VWCE: variants seen among roughly 807,000 people sequenced by gnomAD.
The protein encoded by VWCE is von Willebrand factor C and EGF domains.
In VWCE, 68 loss-of-function variants were observed where a neutral mutation model predicts 102.9. The observed-to-expected ratio is 0.66, with a 90% CI of 0.54 to 0.81. VWCE has a LOEUF of 0.81. Ranked by LOEUF, VWCE falls within the 30% of genes least tolerant of loss-of-function variation. The pLI, the probability that VWCE is intolerant of heterozygous loss-of-function variation, is 0.00. For synonymous variants in VWCE, 497 were observed against 515.4 expected (o/e 0.96, Z 0.48); for missense variants, 1,137 against 1,263.6 (o/e 0.90, Z 1.52).
intron 16 of VWCE, among the ~76,000 whole-genome samples, chr11:61,265,497 C>T (rs557315649): frequency 5.9e-5 from 9 of 152,236 alleles, no homozygotes; most frequent in African/African-American, 2.2e-4. Flanking sequence ...CACCAAAACC[C>T]GATAGAGAAA....
chr11:61,286,477 G>A (rs757346767), intron 4 of VWCE, 47 bp from the exon 5 acceptor site: 5 of 1,555,340 alleles, frequency 3.2e-6, no homozygotes, highest in Non-Finnish European at 4.4e-6. Context: ...CTCGCAAGAG[G>A]AACTTACACA....
chr11:61,274,449 G>A (rs765953443), intron 12 of VWCE, 50 bp downstream of exon 12: 35 of 1,560,212 alleles, frequency 2.2e-5, no homozygotes, highest in South Asian at 7.9e-5. Context: ...GTTGTGCCTC[G>A]CTCCCCTCTC....
intron 7 of VWCE, among the ~76,000 whole-genome samples, chr11:61,281,547 G>T (rs1855135216): frequency 6.6e-6 from 1 of 152,194 alleles, no homozygotes; most frequent in South Asian, 2.1e-4. Context: ...AAAAGAAAGC[G>T]AGGAAGAAAG....
In VWCE at chr11:61,282,651, G is replaced by A; in HGVS notation, c.658+138C>T. 1.5e-5 allele frequency: 11 copies of A among 718,248 alleles called. No individual in the cohort carries two copies. In the South Asian group the frequency reaches 2.0e-4, roughly 13 times the overall value. 44.5% of individuals were successfully genotyped at this position (718,248 alleles called of 1,614,324 possible). On this transcript the variant is annotated intron_variant, in intron 6 of 19. Coordinates refer to ENST00000335613, the MANE Select transcript of VWCE (RefSeq NM_152718.2). The stretch of plus-strand genomic sequence containing the variant: ...CCAACCCCAGGGACAGGCAGGCTCT[G>A]AGCCAAAGGCTCAAGCCCCTTCAAG...
At chr11:61,277,014 GGAGGGAGGGAAGGAAGGAGA>G (rs1590635262) in intron 10 of VWCE, among the ~76,000 whole-genome samples, 1 of 124,190 alleles carries the variant, frequency 8.1e-6, no homozygotes, top group Non-Finnish European at 1.7e-5. Flanking sequence ...AAGGAAGGAG[GGAGGGAGGGAAGGAAGGAGA>G]GAGGGAGGGA....
chr11:61,281,924 A>T lies in VWCE; in HGVS notation c.659-10T>A, dbSNP rs757858371. 4 of 1,608,828 alleles carry T rather than the reference A, an allele frequency of 2.5e-6. No individual in the cohort carries two copies. The highest frequency in any genetic ancestry group is 3.4e-6 in the Non-Finnish European group (4 of 1,176,350). ...CGACACTCGTTTACATCTGCGGGAG[A>T]GCCTCGCTGCGGACAGCTGCTTTGT... On this transcript the variant is annotated splice_polypyrimidine_tract_variant and intron_variant, in intron 6 of 19. Transcript: ENST00000335613.
chr11:61,281,814 C>A lies in VWCE; in HGVS notation c.759G>T (p.Arg253Ser). The change falls in exon 7 of 20, where the codon AGG becomes AGT. Residue 253 changes from arginine (R) to serine (S), a missense_variant. Arg to Ser is a moderately radical substitution (Grantham distance 110). This residue lies in a region of VWCE where 575 missense variants were observed against 625.9 expected (regional missense o/e 0.92). Transcript: ENST00000335613. ...SFLCTCRPGF[R>S]LRADRVSCEA... The stretch of plus-strand genomic sequence containing the variant: ...CACAGGACACGCGGTCAGCTCGGAG[C>A]CTGAAGCCAGGTCGGCATGTGCATA... The A allele has an allele frequency of 1.2e-6, 2 of 1,613,738 alleles. No homozygotes were observed. The highest frequency in any genetic ancestry group is 8.5e-7 in the Non-Finnish European group (1 of 1,179,804).
chr11:61,268,666 T>G (rs1369091453), intron 15 of VWCE, among the ~76,000 whole-genome samples: 1 of 152,220 alleles, frequency 6.6e-6, no homozygotes, highest in African/African-American at 2.4e-5. Context: ...CCTCCTGCTG[T>G]TCTCCAATTG....
At chr11:61,285,366 G>A (rs1437837903) in intron 5 of VWCE, among the ~76,000 whole-genome samples, 4 of 152,150 alleles carry the variant, frequency 2.6e-5, no homozygotes, top group African/African-American at 7.2e-5. Flanking sequence ...TAAATAAAAG[G>A]CATTTTAAAA....
Position 61,281,192 on chromosome 11 carries a change from G to A in VWCE, c.831C>T (p.Pro277=), listed in dbSNP as rs1341644860. ...AVLAPSAILQ[P]RQHPSKMLLL... is the part of the protein sequence containing the mutation. ...GAAGCATCTTGGACGGGTGTTGCCG[G>A]GGTTGCAGGATGGCAGATGGGGCCA... is the stretch of plus-strand genomic sequence containing the variant. Residue 277 remains proline (P), a synonymous_variant, in exon 8 of 20, where the codon CCC becomes CCT. Transcript: ENST00000335613. 1 of 1,613,224 alleles carries A rather than the reference G, an allele frequency of 6.2e-7. No individual in the cohort carries two copies. The highest frequency in any genetic ancestry group is 2.2e-5 in the East Asian group (1 of 44,854).
At chr11:61,264,814 A>G in intron 18 of VWCE, 142 bp downstream of exon 18, 1 of 1,006,310 alleles carries the variant, frequency 9.9e-7, no homozygotes, top group Non-Finnish European at 1.5e-6. Context: ...AAAACCAAAG[A>G]TATTCTGGCA....
At chr11:61,273,142 T>C (rs1590629039) in intron 13 of VWCE, 57 bp downstream of exon 13, 7 of 1,558,540 alleles carry the variant, frequency 4.5e-6, no homozygotes, top group Non-Finnish European at 5.3e-6. Context: ...CAGGTGAAGC[T>C]CAGCCTCTCT....
At chr11:61,265,687 C>T (rs1385815838) in intron 16 of VWCE, among the ~76,000 whole-genome samples, 7 of 152,224 alleles carry the variant, frequency 4.6e-5, no homozygotes, top group Admixed American at 2.6e-4. Context: ...AAAGAAATAC[C>T]GCATCTGCAC....
Position 61,269,901 on chromosome 11 carries a change from G to A in VWCE, c.1786-883C>T, listed in dbSNP as rs867423728. Among the ~76,000 whole-genome samples, 4 of 150,576 alleles carry A rather than the reference G, an allele frequency of 2.7e-5. No homozygotes were observed. The South Asian group carries it at 6.3e-4, about 24-fold the overall frequency. ...CTCCCAACTCTAATTTCAATGAGAC[G>A]TGTTCAGCTTACAGCATTTTTTTTT... On this transcript the variant is annotated intron_variant, in intron 14 of 19. Coordinates refer to ENST00000335613, the MANE Select transcript of VWCE (RefSeq NM_152718.2).
At chr11:61,292,899 G>C (rs978639799) in intron 1 of VWCE, among the ~76,000 whole-genome samples, 10 of 152,016 alleles carry the variant, frequency 6.6e-5, no homozygotes, top group South Asian at 2.1e-4. Flanking sequence ...CTTGAGGTCA[G>C]GAGTTTGAGA....
chr11:61,264,484 T>C lies in VWCE; in HGVS notation c.2230+3A>G. 5.6e-6 allele frequency: 9 copies of C among 1,613,166 alleles called. No homozygotes were observed. The highest frequency in any genetic ancestry group is 7.6e-6 in the Non-Finnish European group (9 of 1,179,662). On this transcript the variant is annotated splice_donor_region_variant and intron_variant, in intron 19 of 19. Transcript: ENST00000335613. ...AAACTCCAGGACCCAGAGACCCACTTACCTGGACAGGAAGAGCAGCAGTCC... is the reference window on the plus strand; with the variant it reads ...AAACTCCAGGACCCAGAGACCCACTCACCTGGACAGGAAGAGCAGCAGTCC...
At chr11:61,263,061 C>T (rs1226362924) in intron 19 of VWCE, among the ~76,000 whole-genome samples, 1 of 152,180 alleles carries the variant, frequency 6.6e-6, no homozygotes, top group Non-Finnish European at 1.5e-5. Context: ...AATCCCAGTG[C>T]CTTGGGAGGC....
At chr11:61,283,760 C>G (rs778880945) in intron 5 of VWCE, among the ~76,000 whole-genome samples, 4 of 152,192 alleles carry the variant, frequency 2.6e-5, no homozygotes, top group Admixed American at 6.5e-5. Flanking sequence ...CCACTTTTGC[C>G]CATGTTCTCT....
At chr11:61,282,534 T>C (rs950820707) in intron 6 of VWCE, 24 of 417,750 alleles carry the variant, frequency 5.7e-5, no homozygotes, top group Non-Finnish European at 1.0e-4. Flanking sequence ...CCTTGGGGTG[T>C]ATCTGGGAGA....
Sources: allele counts gnomAD v4.1 joint callset (sites outside exome capture counted in the v4.1 genomes callset), GRCh38; gene constraint gnomAD v4.1.1; regional missense constraint gnomAD v4.1.1; transcripts MANE v1.5; gene names NCBI Gene and HGNC (gene_info 2026-07-23, HGNC 2026-07-21).